KCNIP1: variants seen among roughly 807,000 people sequenced by gnomAD.
The protein encoded by KCNIP1 is potassium voltage-gated channel interacting protein 1.
A neutral mutation model predicts 33.0 loss-of-function variants in KCNIP1; 18 were observed. The ratio of observed to expected loss-of-function variants is 0.55; its 90% CI spans 0.38 to 0.81. KCNIP1 has a LOEUF of 0.81. Among genes scored for constraint, KCNIP1 ranks in the 30% least tolerant of loss-of-function variants. The probability of loss-of-function intolerance (pLI) is 0.00; values close to 1 mark genes in which losing one functional copy is unlikely to be tolerated. For missense variants in KCNIP1, 238 were observed against 271.6 expected (o/e 0.88, Z 0.87); for synonymous variants, 93 against 98.3 (o/e 0.95, Z 0.32).
intron 1 of KCNIP1, among the ~76,000 whole-genome samples, chr5:170,543,315 G>A (rs916545779): frequency 6.6e-6 from 1 of 152,172 alleles, no homozygotes; most frequent in Non-Finnish European, 1.5e-5. Context: ...ACCACTTAAA[G>A]AGAAACTTCT....
rs553932046 is a variant in KCNIP1, at chr5:170,545,526, C to T, written c.61+40893C>T. On this transcript the variant is annotated intron_variant, in intron 1 of 7. Transcript: ENST00000328939. ...TGTGTATGTTAGACCTTTGATAATG[C>T]CCCATGTGTTACTCATACTGTTGTC... Among the ~76,000 whole-genome samples, 9 of 152,218 alleles carry T rather than the reference C, an allele frequency of 5.9e-5. No individual in the cohort carries two copies. The South Asian group carries it at 1.9e-3, about 32-fold the overall frequency.
At chr5:170,522,616 T>TA (rs1254311434) in intron 1 of KCNIP1, among the ~76,000 whole-genome samples, 1 of 152,212 alleles carries the variant, frequency 6.6e-6, no homozygotes, top group Non-Finnish European at 1.5e-5. Flanking sequence ...TTCGCCAAGG[T>TA]AAATGCCACC....
chr5:170,689,197 C>CA (rs1288187833), intron 1 of KCNIP1, among the ~76,000 whole-genome samples: 3 of 152,178 alleles, frequency 2.0e-5, no homozygotes, highest in Admixed American at 1.3e-4. Context: ...TTCGTTCATT[C>CA]ATTCACTTGC....
At chr5:170,528,604 A>T (rs538667625) in intron 1 of KCNIP1, among the ~76,000 whole-genome samples, 5 of 152,230 alleles carry the variant, frequency 3.3e-5, no homozygotes, top group South Asian at 2.1e-4. Flanking sequence ...TGTGCCAGGC[A>T]TATATGGAGA....
intron 1 of KCNIP1, among the ~76,000 whole-genome samples, chr5:170,519,814 T>G (rs1230481593): frequency 3.3e-5 from 5 of 152,178 alleles, no homozygotes; most frequent in Non-Finnish European, 5.9e-5. Context: ...AGCGGCTGCC[T>G]GCCCATAGCA....
intron 1 of KCNIP1, among the ~76,000 whole-genome samples, chr5:170,456,940 A>C (rs1182649099): frequency 6.6e-6 from 1 of 152,008 alleles, no homozygotes. Flanking sequence ...GGCTGGTCTC[A>C]AATTCCTAGG....
chr5:170,583,618 T>TTA (rs1757877941), intron 1 of KCNIP1, among the ~76,000 whole-genome samples: 1 of 152,214 alleles, frequency 6.6e-6, no homozygotes, highest in African/African-American at 2.4e-5. Flanking sequence ...AAATCCATTG[T>TTA]TTGGGGCACA....
intron 1 of KCNIP1, among the ~76,000 whole-genome samples, chr5:170,547,134 A>G (rs1306723255): frequency 1.3e-5 from 2 of 152,152 alleles, no homozygotes; most frequent in African/African-American, 4.8e-5. Context: ...CCTAATTGCT[A>G]TTTATTTGTA....
At chr5:170,462,264 C>CAAAAAAAAAAAAAAAAAAAAAAATAAAA (rs760686464) in intron 1 of KCNIP1, among the ~76,000 whole-genome samples, 1 of 52,038 alleles carries the variant, frequency 1.9e-5, no homozygotes, top group Non-Finnish European at 3.5e-5. Flanking sequence ...AACAAATTAG[C>CAAAAAAAAAAAAAAAAAAAAAAATAAAA]AAAAAAAAAA....
intron 1 of KCNIP1, among the ~76,000 whole-genome samples, chr5:170,479,238 A>C (rs1756922777): frequency 6.6e-6 from 1 of 152,236 alleles, no homozygotes; most frequent in Non-Finnish European, 1.5e-5. Context: ...ATGGAAAACA[A>C]GTAAACTTCA....
At chr5:170,502,210 A>C (rs1221835009), upstream of KCNIP1, among the ~76,000 whole-genome samples, 3 of 152,200 alleles carry the variant, frequency 2.0e-5, no homozygotes, top group African/African-American at 4.8e-5. Flanking sequence ...TCACGTGGAC[A>C]ATGTGGTTGC....
At chr5:170,518,004 G>C (rs527844834) in intron 1 of KCNIP1, among the ~76,000 whole-genome samples, 1 of 151,844 alleles carries the variant, frequency 6.6e-6, no homozygotes, top group Non-Finnish European at 1.5e-5. Context: ...GGTTATGGAG[G>C]TGGTGGTGAC....
chr5:170,551,474 C>T (rs1756632486), intron 1 of KCNIP1, among the ~76,000 whole-genome samples: 1 of 152,244 alleles, frequency 6.6e-6, no homozygotes, highest in Non-Finnish European at 1.5e-5. Context: ...ACCAGAGCCC[C>T]CTTCTCCCAG....
intron 1 of KCNIP1, among the ~76,000 whole-genome samples, chr5:170,615,365 C>A (rs8180418): frequency 6.6e-6 from 1 of 152,128 alleles, no homozygotes; most frequent in Admixed American, 6.5e-5. Flanking sequence ...TCATTAAGAC[C>A]GTGGCTCCTT....
At chr5:170,713,601 G>T (rs534962569) in intron 1 of KCNIP1, among the ~76,000 whole-genome samples, 7 of 152,268 alleles carry the variant, frequency 4.6e-5, no homozygotes, top group Admixed American at 4.6e-4. Flanking sequence ...ATCCAGATTT[G>T]TACATGGATC....
At chr5:170,620,088 A>C (rs1255501287) in intron 1 of KCNIP1, among the ~76,000 whole-genome samples, 2 of 152,214 alleles carry the variant, frequency 1.3e-5, no homozygotes, top group Admixed American at 6.5e-5. Context: ...ATGGAAGTAA[A>C]ATTATTTACC....
chr5:170,706,997 G>A (rs183388364), intron 1 of KCNIP1, among the ~76,000 whole-genome samples: 3 of 152,160 alleles, frequency 2.0e-5, no homozygotes, highest in African/African-American at 7.2e-5. Context: ...TGTCCAGCTG[G>A]GTTCAAAGGA....
chr5:170,701,723 T>C (rs1280577820), intron 1 of KCNIP1, among the ~76,000 whole-genome samples: 1 of 152,184 alleles, frequency 6.6e-6, no homozygotes. Flanking sequence ...GAGTGCCTTC[T>C]ATATGCCAGC....
chr5:170,510,261 G>A (rs1328267630), intron 1 of KCNIP1, among the ~76,000 whole-genome samples: 3 of 152,148 alleles, frequency 2.0e-5, no homozygotes, highest in Non-Finnish European at 4.4e-5. Context: ...TGTCATTATG[G>A]GTTTACACAT....
Sources: gnomAD v4.1 joint callset for allele counts (sites outside exome capture counted in the v4.1 genomes callset) on GRCh38, gnomAD v4.1.1 for gene constraint, MANE v1.5 for transcripts, NCBI Gene and HGNC (gene_info 2026-07-23, HGNC 2026-07-21) for gene names.